The following AHI1 variants were observed in gnomAD, a reference collection of about 807,000 sequenced individuals.
AHI1 encodes Abelson helper integration site 1.
In AHI1, 123 loss-of-function variants were observed where a neutral mutation model predicts 149.3. That is an observed-to-expected ratio of 0.82 (90% CI 0.71 to 0.96). The LOEUF (loss-of-function observed/expected upper bound fraction) is 0.96. AHI1 is among the 40% of genes least tolerant of loss of function. The pLI, the probability that AHI1 is intolerant of heterozygous loss-of-function variation, is 0.00. For synonymous variants in AHI1, 475 were observed against 459.8 expected (o/e 1.03, Z -0.42); for missense variants, 1,439 against 1,422.7 (o/e 1.01, Z -0.18).
At chr6:135,368,175 G>A (rs187811416) in intron 23 of AHI1, among the ~76,000 whole-genome samples, 195 of 152,312 alleles carry the variant, frequency 1.3e-3, no homozygotes, top group Non-Finnish European at 2.5e-3. Context: ...AGTTTCTGCA[G>A]AGTCTGGTGA....
At chr6:135,334,107 G>C (rs949428116) in intron 24 of AHI1, among the ~76,000 whole-genome samples, 1 of 152,136 alleles carries the variant, frequency 6.6e-6, no homozygotes, top group East Asian at 1.9e-4. Context: ...AAATAGGGAT[G>C]ACTTTCCAAG....
intron 5 of AHI1, among the ~76,000 whole-genome samples, chr6:135,482,841 G>C (rs80001359): frequency 7.0e-6 from 1 of 142,090 alleles, no homozygotes; most frequent in Non-Finnish European, 1.5e-5. Flanking sequence ...ATACTGCTGG[G>C]CTTTGCTCTG....
At chr6:135,442,531 T>TGTCC in intron 14 of AHI1, 51 bp downstream of exon 14, 1 of 1,510,232 alleles carries the variant, frequency 6.6e-7, no homozygotes, top group Non-Finnish European at 8.9e-7. Flanking sequence ...AACTAAAGAA[T>TGTCC]GTCCTCCACG....
intron 10 of AHI1, among the ~76,000 whole-genome samples, chr6:135,453,688 C>A (rs1006944467): frequency 6.6e-6 from 1 of 152,006 alleles, no homozygotes; most frequent in Non-Finnish European, 1.5e-5. Flanking sequence ...AAGTGTTAAT[C>A]ACCTCAAATA....
chr6:135,343,129 C>T (rs1485648698), intron 24 of AHI1, among the ~76,000 whole-genome samples: 1 of 151,662 alleles, frequency 6.6e-6, no homozygotes, highest in African/African-American at 2.4e-5. Flanking sequence ...ATACAAAAAA[C>T]CACTTGTCTT....
At chr6:135,300,626 A>T in intron 26 of AHI1, 68 bp from the exon 27 acceptor site, 1 of 1,549,732 alleles carries the variant, frequency 6.5e-7, no homozygotes, top group Non-Finnish European at 8.7e-7. Flanking sequence ...CAATATTCAC[A>T]TGCTGAAAAC....
At chr6:135,462,180 T>A (rs974929353) in intron 8 of AHI1, among the ~76,000 whole-genome samples, 3 of 151,970 alleles carry the variant, frequency 2.0e-5, no homozygotes, top group Non-Finnish European at 4.4e-5. Flanking sequence ...CCACAAAACA[T>A]CATCACTTAC....
rs1436283073 is a variant in AHI1 at position 135,448,406 on chromosome 6, T to C, written c.1510A>G (p.Lys504Glu). ...ACAACACTTAATGGGGATCGAGGCT[T>C]AGTAGGTGGGTAATATAGCTGCAAG... Reference protein sequence around the residue: ...LRLQLYYPPTKPRSPLSVVEA... With the variant: ...LRLQLYYPPTEPRSPLSVVEA... The change falls in exon 12 of 29, where the codon AAG (lysine) becomes GAG (glutamate). Residue 504 changes from lysine to glutamate, a missense_variant. Transcript: ENST00000265602. The C allele has an allele frequency of 2.5e-6, 4 of 1,602,546 alleles. No homozygotes were observed. Among genetic ancestry groups the C allele is most frequent in the African/African-American group, 1.3e-5 (1 of 74,954 alleles).
chr6:135,397,479 A>C (rs1461143098), intron 22 of AHI1, among the ~76,000 whole-genome samples: 3 of 152,048 alleles, frequency 2.0e-5, no homozygotes, highest in Non-Finnish European at 4.4e-5. Context: ...CATATTGGAG[A>C]AAACTAAAAG....
chr6:135,448,564 A>C (rs970504885), intron 11 of AHI1, 89 bp from the exon 12 acceptor site: 224 of 1,037,804 alleles, frequency 2.2e-4, no homozygotes, highest in Non-Finnish European at 2.8e-4. Flanking sequence ...AACATTTTTA[A>C]AAGATTAATA....
intron 9 of AHI1, among the ~76,000 whole-genome samples, chr6:135,456,357 A>G (rs1788945082): frequency 6.6e-6 from 1 of 152,036 alleles, no homozygotes. Flanking sequence ...CCTGGGTAAC[A>G]TGATGAAACC....
At chr6:135,344,251 A>T (rs955914043) in intron 24 of AHI1, among the ~76,000 whole-genome samples, 42 of 151,960 alleles carry the variant, frequency 2.8e-4, no homozygotes, top group South Asian at 1.5e-3. Context: ...CTGTGAATGC[A>T]GAACCTACAG....
At chr6:135,404,088 C>T (rs1176465902) in intron 22 of AHI1, among the ~76,000 whole-genome samples, 1 of 151,278 alleles carries the variant, frequency 6.6e-6, no homozygotes, top group Non-Finnish European at 1.5e-5. Flanking sequence ...TACTAACATT[C>T]TAATTCTTTC....
chr6:135,409,325 T>C (rs73777516), intron 21 of AHI1, among the ~76,000 whole-genome samples: 11,994 of 152,160 alleles, frequency 0.079, 1,076 homozygotes, highest in African/African-American at 0.22. Flanking sequence ...TCTATTAATA[T>C]TTTGGGAGAG....
At chr6:135,408,688 T>C (rs555722375) in intron 21 of AHI1, among the ~76,000 whole-genome samples, 1 of 152,214 alleles carries the variant, frequency 6.6e-6, no homozygotes, top group East Asian at 1.9e-4. Context: ...AATCAAGATA[T>C]CTATCAAGGA....
intron 23 of AHI1, among the ~76,000 whole-genome samples, chr6:135,363,374 C>CCGATCAA (rs1179767074): frequency 6.6e-6 from 1 of 152,056 alleles, no homozygotes; most frequent in East Asian, 1.9e-4. Flanking sequence ...GGTAAGGTCA[C>CCGATCAA]CGATCAACAG....
intron 20 of AHI1, among the ~76,000 whole-genome samples, chr6:135,423,234 C>T (rs920793554): frequency 9.9e-5 from 15 of 151,996 alleles, no homozygotes; most frequent in African/African-American, 3.6e-4. Flanking sequence ...CTGTTATTAG[C>T]CCCAAATTTA....
At chr6:135,349,712 G>A (rs1194802602) in intron 24 of AHI1, among the ~76,000 whole-genome samples, 2 of 152,310 alleles carry the variant, frequency 1.3e-5, no homozygotes, top group East Asian at 3.9e-4. Context: ...CACCACTAGA[G>A]ATGTGCTTCA....
rs71006759 is a variant in AHI1, at chr6:135,340,658, C to CATAT, written c.3166-17338_3166-17335dup. On this transcript the variant is annotated intron_variant, in intron 24 of 28. Transcript: ENST00000265602. Reference sequence around the variant, plus strand: ...ACCAGTACATATATATACATACATACATATATATATATATATATATATATA... The same window carrying CATAT: ...ACCAGTACATATATATACATACATACATATATATATATATATATATATATATATA... 8.7e-3 allele frequency among the ~76,000 whole-genome samples: 332 copies of CATAT among 37,978 alleles called. 2 individuals are homozygous for CATAT. The highest frequency in any genetic ancestry group is 0.028 in the Middle Eastern group (1 of 36). The allele number at this position is 37,978 out of a possible 152,430, so 24.9% of individuals were successfully genotyped here. A position where few individuals can be genotyped will look rare whatever the true frequency, so the allele number is the denominator to read the frequency against.
Sources: allele counts gnomAD v4.1 joint callset (sites outside exome capture counted in the v4.1 genomes callset), GRCh38; gene constraint gnomAD v4.1.1; transcripts MANE v1.5; gene names NCBI Gene and HGNC (gene_info 2026-07-23, HGNC 2026-07-21).